SOS1: variants seen among roughly 807,000 people sequenced by gnomAD.
SOS1 encodes the protein son of sevenless homolog 1.
A neutral mutation model predicts 157.6 loss-of-function variants in SOS1; 25 were observed. The observed-to-expected ratio is 0.16, with a 90% CI of 0.12 to 0.22. SOS1 has a LOEUF of 0.22. Among genes scored for constraint, SOS1 ranks in the 10% least tolerant of loss-of-function variants. The probability of loss-of-function intolerance (pLI) is 1.00; values close to 1 mark genes in which losing one functional copy is unlikely to be tolerated. For synonymous variants in SOS1, 528 were observed against 534.0 expected (o/e 0.99, Z 0.16); for missense variants, 1,237 against 1,599.1 (o/e 0.77, Z 3.86).
intron 17 of SOS1, among the ~76,000 whole-genome samples, chr2:39,001,870 C>T (rs777999905): frequency 3.3e-5 from 5 of 152,156 alleles, no homozygotes; most frequent in African/African-American, 1.2e-4. Flanking sequence ...GAAAGGGGTA[C>T]GAAGGTTGGC....
rs1399943564 is a variant in SOS1 at position 39,120,446 on chromosome 2, C to T, written c.-24G>A. On this transcript the variant is annotated 5_prime_UTR_variant, in exon 1 of 23. Coordinates refer to ENST00000402219, the MANE Select transcript of SOS1 (RefSeq NM_005633.4). The stretch of plus-strand genomic sequence containing the variant: ...ATGGTGCCCCCGGGGCGCCTCTGGG[C>T]GGGGAGAGGGGCGGCGGCGGCCGGG... 1.9e-6 allele frequency: 3 copies of T among 1,558,616 alleles called. No individual in the cohort carries two copies. In the South Asian group the frequency reaches 3.5e-5, roughly 18 times the overall value.
chr2:39,013,974 C>T lies in SOS1; in HGVS notation c.1956G>A (p.Glu652=), dbSNP rs1365773428. Residue 652 remains glutamate, a synonymous_variant, in exon 12 of 23, where the codon GAG becomes GAA. Coordinates refer to ENST00000402219, the MANE Select transcript of SOS1 (RefSeq NM_005633.4). ...SLIIERFEIP[E]PEPTEADRIA... ...TGCGATCAGCTTCTGTTGGCTCAGG[C>T]TCTGGAATTTCAAACCTAACATAAA... The T allele has an allele frequency of 3.7e-6, 6 of 1,604,576 alleles. No homozygotes were observed. In the Admixed American group the frequency reaches 1.0e-4, roughly 27 times the overall value.
chr2:39,050,781 T>C (rs1212998898), intron 6 of SOS1, among the ~76,000 whole-genome samples: 1 of 152,184 alleles, frequency 6.6e-6, no homozygotes, highest in Non-Finnish European at 1.5e-5. Flanking sequence ...ACACAACTAA[T>C]AAGCAGCAGA....
In SOS1 at chr2:39,010,726, C is replaced by G. The variant is rs55852404; in HGVS notation, c.2391-23G>C. 2.7e-4 allele frequency: 433 copies of G among 1,584,622 alleles called. 4 individuals are homozygous for G. The East Asian group carries it at 9.3e-3, about 34-fold the overall frequency. On this transcript the variant is annotated intron_variant, in intron 14 of 22. Transcript: ENST00000402219. ...GCTCTAAAATCATCAATACATAATT[C>G]TACATGACACTTTTTTCTCTAATAT...
chr2:39,060,841 G>GA (rs1421306667), intron 2 of SOS1, among the ~76,000 whole-genome samples: 2 of 149,104 alleles, frequency 1.3e-5, no homozygotes, highest in Admixed American at 6.7e-5. Flanking sequence ...AAAAGCAGTA[G>GA]AAAAAAGTAA....
chr2:38,992,058 T>C (rs1488292041), intron 20 of SOS1, among the ~76,000 whole-genome samples: 1 of 152,226 alleles, frequency 6.6e-6, no homozygotes, highest in East Asian at 1.9e-4. Flanking sequence ...GACATATGAC[T>C]GCAGTCAAGG....
At position 39,010,569 on chromosome 2, in the gene SOS1, G is replaced by T; in HGVS notation, c.2510+15C>A. 1 of 1,604,676 alleles carries T rather than the reference G, an allele frequency of 6.2e-7. No homozygotes were observed. Among genetic ancestry groups the T allele is most frequent in the Non-Finnish European group, 8.5e-7 (1 of 1,171,656 alleles). On this transcript the variant is annotated intron_variant, in intron 15 of 22. Transcript: ENST00000402219. ...GCTGACAGCTATAAAATATAAGAAT[G>T]CTAGGAATACTTACTTCTCAAACCA...
In SOS1 at chr2:39,117,606, T is replaced by C. The variant is rs543986255; in HGVS notation, c.87+2730A>G. On this transcript the variant is annotated intron_variant, in intron 1 of 22. Coordinates refer to ENST00000402219, the MANE Select transcript of SOS1 (RefSeq NM_005633.4). ...CTAAAAAGTGCACTTTAGCATAGGTTGAACTCAAAAGACATCAACAATTCT... is the reference window on the plus strand; with the variant it reads ...CTAAAAAGTGCACTTTAGCATAGGTCGAACTCAAAAGACATCAACAATTCT... Among the ~76,000 whole-genome samples, 16 of 152,336 alleles carry C rather than the reference T, an allele frequency of 1.1e-4. No homozygotes were observed. In the East Asian group the frequency reaches 2.9e-3, roughly 28 times the overall value.
chr2:39,096,315 C>G (rs1050107278), intron 1 of SOS1, among the ~76,000 whole-genome samples: 2 of 152,188 alleles, frequency 1.3e-5, no homozygotes, highest in Non-Finnish European at 2.9e-5. Flanking sequence ...TCATTCTACT[C>G]AATTTTACAT....
At chr2:38,987,386 A>T in intron 22 of SOS1, 87 bp downstream of exon 22, 1 of 736,206 alleles carries the variant, frequency 1.4e-6, no homozygotes, top group Non-Finnish European at 2.5e-6. Flanking sequence ...ATGTTAACTT[A>T]TCCTAGTGAG....
chr2:39,013,979 G>A lies in SOS1; in HGVS notation c.1951C>T (p.Pro651Ser), dbSNP rs1180625027. 6.2e-7 allele frequency: 1 copy of A among 1,603,550 alleles called. No homozygotes were observed. The highest frequency in any genetic ancestry group is 1.3e-5 in the African/African-American group (1 of 74,584). Reference sequence around the variant, plus strand: ...TCAGCTTCTGTTGGCTCAGGCTCTGGAATTTCAAACCTAACATAAAATAGA... The same window carrying A: ...TCAGCTTCTGTTGGCTCAGGCTCTGAAATTTCAAACCTAACATAAAATAGA... ...LSLIIERFEI[P>S]EPEPTEADRI... Residue 651 changes from proline to serine, a missense_variant, in exon 12 of 23, where the codon CCA (proline) becomes TCA (serine). Coordinates refer to ENST00000402219, the MANE Select transcript of SOS1 (RefSeq NM_005633.4).
At chr2:39,124,144 C>T (rs987374081), upstream of SOS1, 10 of 152,304 alleles carry the variant, frequency 6.6e-5, no homozygotes, top group Admixed American at 2.6e-4. Context: ...ACTCCATCAC[C>T]CCTGTACTGC....
chr2:39,091,389 TC>T (rs1672589737), intron 1 of SOS1, among the ~76,000 whole-genome samples: 1 of 152,160 alleles, frequency 6.6e-6, no homozygotes, highest in African/African-American at 2.4e-5. Context: ...TGCAGCGTGT[TC>T]AACTTTTGAT....
At chr2:39,017,960 G>A (rs1433856771) in intron 10 of SOS1, among the ~76,000 whole-genome samples, 2 of 151,872 alleles carry the variant, frequency 1.3e-5, no homozygotes, top group African/African-American at 4.8e-5. Flanking sequence ...AATAAGGACA[G>A]GTTATATAAT....
intron 9 of SOS1, chr2:39,023,804 G>A: frequency 1.9e-6 from 1 of 528,068 alleles, no homozygotes; most frequent in Non-Finnish European, 3.4e-6. Context: ...GGTCTTGTCT[G>A]GGAGTATGCA....
At chr2:39,109,353 T>C (rs541990538) in intron 1 of SOS1, among the ~76,000 whole-genome samples, 47 of 152,304 alleles carry the variant, frequency 3.1e-4, no homozygotes, top group African/African-American at 1.1e-3. Flanking sequence ...TATCTTTCCA[T>C]TAACCAGCAT....
intron 11 of SOS1, 127 bp from the exon 12 acceptor site, chr2:39,014,116 AT>A (rs1669553575): frequency 4.5e-6 from 3 of 670,782 alleles, no homozygotes; most frequent in Non-Finnish European, 7.8e-6. Flanking sequence ...GAAGATATGC[AT>A]ATCAGTGTAA....
At position 39,120,447 on chromosome 2, in the gene SOS1, G is replaced by T. The variant is rs558561458; in HGVS notation, c.-25C>A. The T allele has an allele frequency of 7.1e-6, 11 of 1,557,416 alleles. No individual in the cohort carries two copies. The highest frequency in any genetic ancestry group is 2.5e-5 in the East Asian group (1 of 39,942). ...TGGTGCCCCCGGGGCGCCTCTGGGC[G>T]GGGAGAGGGGCGGCGGCGGCCGGGC... On this transcript the variant is annotated 5_prime_UTR_variant, in exon 1 of 23. Transcript: ENST00000402219.
chr2:39,053,927 C>T (rs1314273463), intron 5 of SOS1, among the ~76,000 whole-genome samples: 6 of 145,626 alleles, frequency 4.1e-5, no homozygotes, highest in Non-Finnish European at 9.1e-5. Context: ...GAAAGGAACT[C>T]TTTTTTTTTT....
Sources: gnomAD v4.1 joint callset for allele counts (sites outside exome capture counted in the v4.1 genomes callset) on GRCh38, gnomAD v4.1.1 for gene constraint, MANE v1.5 for transcripts, NCBI Gene and HGNC (gene_info 2026-07-23, HGNC 2026-07-21) for gene names.